NPM1: variants seen among roughly 807,000 people sequenced by gnomAD.
The protein encoded by NPM1 is nucleophosmin.
NPM1 carries 1 observed loss-of-function variant against 44.1 expected under a neutral mutation model. That is an observed-to-expected ratio of 0.02 (90% CI 0.01 to 0.11). The LOEUF is 0.11. Among genes scored for constraint, NPM1 ranks in the 10% least tolerant of loss-of-function variants. The probability of loss-of-function intolerance (pLI) is 1.00; values close to 1 mark genes in which losing one functional copy is unlikely to be tolerated. For synonymous variants in NPM1, 126 were observed against 111.8 expected (o/e 1.13, Z -0.80); for missense variants, 197 against 347.8 (o/e 0.57, Z 3.45).
Position 171,394,366 on chromosome 5 carries a change from G to A in NPM1, c.524+1388G>A, listed in dbSNP as rs550916834. Among the ~76,000 whole-genome samples the A allele has an allele frequency of 2.0e-5, 3 of 152,156 alleles. No homozygotes were observed. The South Asian group carries it at 6.2e-4, about 32-fold the overall frequency. On this transcript the variant is annotated intron_variant, in intron 6 of 10. Transcript: ENST00000296930. Reference sequence around the variant, plus strand: ...TTTTTGTATTTTTAATAGACATGGGGTTTCACCACGTTGGCTAGGCTATTC... The same window carrying A: ...TTTTTGTATTTTTAATAGACATGGGATTTCACCACGTTGGCTAGGCTATTC...
chr5:171,392,808 G>T lies in NPM1; in HGVS notation c.451G>T (p.Val151Phe). The T allele has an allele frequency of 2.5e-6, 4 of 1,613,448 alleles. No individual in the cohort carries two copies. The highest frequency in any genetic ancestry group is 3.4e-6 in the Non-Finnish European group (4 of 1,179,596). The change falls in exon 5 of 11, where the codon GTT (valine) becomes TTT (phenylalanine). Residue 151 changes from valine (V) to phenylalanine (F), a missense_variant. This residue lies in a region of NPM1 where 91 missense variants were observed against 94.0 expected (regional missense o/e 0.97). Transcript: ENST00000296930. Reference protein sequence around the residue: ...KRSAPGGGSKVPQKKVKLAAD... With the variant: ...KRSAPGGGSKFPQKKVKLAAD... ...GTCTGCCCCTGGAGGTGGTAGCAAG[G>T]TTCCACAGGTAGAGATGGCAATTTT...
chr5:171,409,813 T>G (rs916043502), intron 10 of NPM1, among the ~76,000 whole-genome samples: 3 of 99,564 alleles, frequency 3.0e-5, no homozygotes, highest in Non-Finnish European at 6.0e-5. Context: ...GGCCAGCTGT[T>G]TTTTTTGTTG....
chr5:171,399,021 T>A (rs1335699291), intron 6 of NPM1, among the ~76,000 whole-genome samples: 1 of 152,002 alleles, frequency 6.6e-6, no homozygotes, highest in African/African-American at 2.4e-5. Context: ...CGGCTAATTT[T>A]TGTATTTTTA....
chr5:171,387,823 A>G (rs934276518), upstream of NPM1: 2 of 865,732 alleles, frequency 2.3e-6, no homozygotes, highest in Non-Finnish European at 1.9e-6. Context: ...TTCAGGGTCT[A>G]TATATAAGCG....
chr5:171,387,712 G>C, upstream of NPM1: 1 of 573,408 alleles, frequency 1.7e-6, no homozygotes, highest in Non-Finnish European at 3.1e-6. Flanking sequence ...GTAGAAAGGA[G>C]TGGGGTTGAA....
rs1183434872 is a variant in NPM1 at position 171,406,617 on chromosome 5, C to G, written c.772-1083C>G. The G allele has an allele frequency of 9.5e-6, 13 of 1,363,510 alleles. No individual in the cohort carries two copies. In the East Asian group the frequency reaches 1.3e-4, roughly 14 times the overall value. 84.5% of individuals were successfully genotyped at this position (1,363,510 alleles called of 1,614,324 possible). ...GCACTTTCTTCTGACTGCTGTGATT[C>G]AGTGAACCTTGCCCTTTGCTTTCTA... is the stretch of plus-strand genomic sequence containing the variant. On this transcript the variant is annotated intron_variant, in intron 9 of 10. Transcript: ENST00000296930.
At chr5:171,389,020 C>G (rs1581236011) in intron 1 of NPM1, among the ~76,000 whole-genome samples, 1 of 152,220 alleles carries the variant, frequency 6.6e-6, no homozygotes, top group African/African-American at 2.4e-5. Flanking sequence ...TTTCTAAATA[C>G]AAGAAACACG....
intron 6 of NPM1, among the ~76,000 whole-genome samples, chr5:171,397,385 A>G (rs1271401145): frequency 6.6e-6 from 1 of 152,176 alleles, no homozygotes; most frequent in African/African-American, 2.4e-5. Context: ...TGGCTCACCC[A>G]TTGTATTCCC....
intron 10 of NPM1, among the ~76,000 whole-genome samples, chr5:171,409,463 G>T (rs1771718186): frequency 6.6e-6 from 1 of 152,132 alleles, no homozygotes; most frequent in Non-Finnish European, 1.5e-5. Context: ...GAGGCAGGAG[G>T]ATCGCTTGAA....
intron 8 of NPM1, among the ~76,000 whole-genome samples, chr5:171,401,363 T>A (rs1452692104): frequency 6.6e-6 from 1 of 150,576 alleles, no homozygotes; most frequent in East Asian, 1.9e-4. Context: ...AAAAAAAAAA[T>A]CAGCTTGTTG....
intron 8 of NPM1, among the ~76,000 whole-genome samples, chr5:171,402,858 C>T (rs1771287394): frequency 6.7e-6 from 1 of 149,002 alleles, no homozygotes; most frequent in Non-Finnish European, 1.5e-5. Flanking sequence ...TTGTAAATTT[C>T]CTGTGGCCTC....
intron 9 of NPM1, 150 bp downstream of exon 9, chr5:171,405,553 A>C (rs766531236): frequency 3.1e-6 from 2 of 641,436 alleles, no homozygotes; most frequent in Non-Finnish European, 5.6e-6. Context: ...AAAATTTCTT[A>C]TAAAACATTT....
chr5:171,389,314 T>A (rs1428221097), intron 1 of NPM1, among the ~76,000 whole-genome samples: 2 of 152,258 alleles, frequency 1.3e-5, no homozygotes, highest in African/African-American at 2.4e-5. Context: ...AACGGTTAGA[T>A]GATAGTTAAA....
intron 6 of NPM1, 80 bp downstream of exon 6, chr5:171,393,058 G>T: frequency 6.6e-7 from 1 of 1,508,310 alleles, no homozygotes; most frequent in Non-Finnish European, 8.9e-7. Flanking sequence ...ATGCATGAGG[G>T]TTTTATAAAA....
chr5:171,400,013 T>G, intron 6 of NPM1, 140 bp from the exon 7 acceptor site: 1 of 621,172 alleles, frequency 1.6e-6, no homozygotes, highest in African/African-American at 1.8e-5. Context: ...AACACTTGGG[T>G]TGCTTTCACC....
chr5:171,407,183 T>C (rs1771615037), intron 9 of NPM1: 1 of 154,048 alleles, frequency 6.5e-6, no homozygotes, highest in Admixed American at 6.5e-5. Flanking sequence ...TAGTGAAATG[T>C]AATTACTGTA....
intron 2 of NPM1, 61 bp from the exon 3 acceptor site, chr5:171,391,244 T>TG (rs563507857): frequency 2.0e-5 from 31 of 1,577,186 alleles, no homozygotes; most frequent in East Asian, 6.7e-5. Context: ...TAACATTTAG[T>TG]GGGGGGGTGT....
intron 8 of NPM1, among the ~76,000 whole-genome samples, chr5:171,403,664 G>A (rs796814409): frequency 0.37 from 33,539 of 91,678 alleles, 2,681 homozygotes; most frequent in East Asian, 0.45. Flanking sequence ...CCTCCCGGAC[G>A]GGGCGGCTGG....
intron 6 of NPM1, among the ~76,000 whole-genome samples, chr5:171,398,905 G>T (rs1771048869): frequency 6.6e-6 from 1 of 152,150 alleles, no homozygotes; most frequent in African/African-American, 2.4e-5. Context: ...TGTCACCCAG[G>T]CTGTAGCACA....
Sources: allele counts gnomAD v4.1 joint callset (sites outside exome capture counted in the v4.1 genomes callset), GRCh38; gene constraint gnomAD v4.1.1; regional missense constraint gnomAD v4.1.1; transcripts MANE v1.5; gene names NCBI Gene and HGNC (gene_info 2026-07-23, HGNC 2026-07-21).